DOCK2: variants seen among roughly 807,000 people sequenced by gnomAD.
DOCK2 encodes dedicator of cytokinesis 2.
A neutral mutation model predicts 248.9 loss-of-function variants in DOCK2; 87 were observed. That is an observed-to-expected ratio of 0.35 (90% CI 0.29 to 0.42). The LOEUF is 0.42. DOCK2 is among the 10% of genes least tolerant of loss of function. The pLI is 1.00. For synonymous variants in DOCK2, 805 were observed against 821.6 expected, an observed-to-expected ratio of 0.98 and a Z score of 0.35; for missense variants, 1,747 against 2,300.2, an observed-to-expected ratio of 0.76 and a Z score of 4.92.
intron 25 of DOCK2, among the ~76,000 whole-genome samples, chr5:169,792,524 C>A (rs1766406898): frequency 6.6e-6 from 1 of 151,860 alleles, no homozygotes; most frequent in Admixed American, 6.6e-5. Flanking sequence ...GTTGCCCAGG[C>A]TGGCCTTGAA....
At chr5:169,864,474 G>A in intron 27 of DOCK2, 1 of 1,507,816 alleles carries the variant, frequency 6.6e-7, no homozygotes. Flanking sequence ...AAAACACAGA[G>A]AGGAAGGAAG....
intron 25 of DOCK2, among the ~76,000 whole-genome samples, chr5:169,799,041 C>T (rs1053238945): frequency 6.6e-6 from 1 of 152,146 alleles, no homozygotes; most frequent in Non-Finnish European, 1.5e-5. Context: ...CAGCAGAATC[C>T]AAATACGTTA....
chr5:169,888,377 G>A (rs56832211), intron 27 of DOCK2, among the ~76,000 whole-genome samples: 4,731 of 152,240 alleles, frequency 0.031, 139 homozygotes, highest in African/African-American at 0.076. Flanking sequence ...GCTGCCCTAC[G>A]GCTGGAATTA....
intron 2 of DOCK2, 95 bp downstream of exon 2, chr5:169,654,581 C>T: frequency 8.0e-7 from 1 of 1,256,932 alleles, no homozygotes; most frequent in Non-Finnish European, 1.1e-6. Context: ...GAACCTGCAA[C>T]TGTGTGGTCT....
intron 33 of DOCK2, among the ~76,000 whole-genome samples, chr5:170,026,299 C>T (rs1755914079): frequency 6.6e-6 from 1 of 152,190 alleles, no homozygotes; most frequent in East Asian, 1.9e-4. Context: ...AGACTTTAGA[C>T]AGGTCACTTA....
At chr5:169,722,861 TAC>T (rs1410274712) in intron 22 of DOCK2, among the ~76,000 whole-genome samples, 1 of 152,198 alleles carries the variant, frequency 6.6e-6, no homozygotes, top group African/African-American at 2.4e-5. Flanking sequence ...AAACATTTCT[TAC>T]AGTTTATTTC....
intron 34 of DOCK2, among the ~76,000 whole-genome samples, chr5:170,030,999 G>T (rs368992713): frequency 6.6e-6 from 1 of 152,198 alleles, no homozygotes; most frequent in Admixed American, 6.5e-5. Flanking sequence ...TGTGCTCTGC[G>T]CAGTGCACAA....
At chr5:169,752,150 A>G (rs1763928587) in intron 23 of DOCK2, among the ~76,000 whole-genome samples, 1 of 152,216 alleles carries the variant, frequency 6.6e-6, no homozygotes, top group East Asian at 1.9e-4. Context: ...CATGTAAATT[A>G]GATAGAGCTC....
At chr5:169,908,147 A>G (rs1774396971) in intron 27 of DOCK2, among the ~76,000 whole-genome samples, 1 of 152,162 alleles carries the variant, frequency 6.6e-6, no homozygotes, top group South Asian at 2.1e-4. Flanking sequence ...GTTCAAGTTC[A>G]CTAATGCCAG....
intron 1 of DOCK2, among the ~76,000 whole-genome samples, chr5:169,644,545 GTGAAAACCT>G: frequency 6.6e-6 from 1 of 152,124 alleles, no homozygotes; most frequent in Non-Finnish European, 1.5e-5. Context: ...GCCTTCCCTA[GTGAAAACCT>G]TGATCTAAGT....
chr5:169,843,796 A>G (rs929486875), intron 27 of DOCK2, among the ~76,000 whole-genome samples: 1 of 152,194 alleles, frequency 6.6e-6, no homozygotes, highest in Non-Finnish European at 1.5e-5. Context: ...TATAAATGAA[A>G]TCATACAATT....
chr5:169,768,888 C>G (rs571300532), intron 25 of DOCK2, among the ~76,000 whole-genome samples: 2 of 152,258 alleles, frequency 1.3e-5, no homozygotes, highest in East Asian at 3.9e-4. Flanking sequence ...TACCTCAACC[C>G]CTAGCCATGC....
intron 27 of DOCK2, among the ~76,000 whole-genome samples, chr5:169,871,882 C>A (rs1421883355): frequency 2.0e-5 from 3 of 152,062 alleles, no homozygotes; most frequent in African/African-American, 2.4e-5. Flanking sequence ...GGCTGCATAC[C>A]CAAAAAAGGT....
intron 27 of DOCK2, among the ~76,000 whole-genome samples, chr5:169,861,609 G>A (rs1771202585): frequency 6.6e-6 from 1 of 152,184 alleles, no homozygotes; most frequent in African/African-American, 2.4e-5. Context: ...CAGCATTTCT[G>A]TAGAATATCA....
At position 169,828,214 on chromosome 5, in the gene DOCK2, T is replaced by C. The variant is rs907102827; in HGVS notation, c.2704-12543T>C. 8.5e-5 allele frequency among the ~76,000 whole-genome samples: 13 copies of C among 152,354 alleles called. No individual in the cohort carries two copies. In the South Asian group the frequency reaches 2.7e-3, roughly 32 times the overall value. ...CTTTTCTGGCCAATTCTGTTGCATT[T>C]TAGATCGACATACTCCCTCTGTCAT... On this transcript the variant is annotated intron_variant, in intron 26 of 51. Transcript: ENST00000520908.
intron 27 of DOCK2, among the ~76,000 whole-genome samples, chr5:169,902,991 G>A (rs895236015): frequency 1.3e-5 from 2 of 152,012 alleles, no homozygotes; most frequent in African/African-American, 4.8e-5. Context: ...CCAGCTACTC[G>A]GGAGGCTGAG....
At chr5:169,644,307 C>CA (rs1290214736) in intron 1 of DOCK2, among the ~76,000 whole-genome samples, 1 of 152,020 alleles carries the variant, frequency 6.6e-6, no homozygotes, top group African/African-American at 2.4e-5. Flanking sequence ...GGAGAGGGAC[C>CA]AGTTAGGCAG....
chr5:169,669,426 A>C, intron 3 of DOCK2, 98 bp downstream of exon 3: 1 of 1,355,620 alleles, frequency 7.4e-7, no homozygotes, highest in South Asian at 1.2e-5. Flanking sequence ...GCTCCTCAGC[A>C]AAGGGAATCC....
At chr5:169,871,854 G>T (rs569937491) in intron 27 of DOCK2, among the ~76,000 whole-genome samples, 3 of 152,188 alleles carry the variant, frequency 2.0e-5, no homozygotes, top group African/African-American at 7.2e-5. Context: ...CTCAATTTCA[G>T]GGCAGCCTTG....
Sources: gnomAD v4.1 joint callset for allele counts (sites outside exome capture counted in the v4.1 genomes callset) on GRCh38, gnomAD v4.1.1 for gene constraint, MANE v1.5 for transcripts, NCBI Gene and HGNC (gene_info 2026-07-23, HGNC 2026-07-21) for gene names.